Variants in CALN1 observed in about 807,000 individuals in gnomAD.
CALN1 encodes calneuron 1.
CALN1 carries 17 observed loss-of-function variants against 30.6 expected under a neutral mutation model. The ratio of observed to expected loss-of-function variants is 0.56; its 90% CI spans 0.38 to 0.83. The LOEUF is 0.83. Ranked by LOEUF, CALN1 falls within the 40% of genes least tolerant of loss-of-function variation. The pLI is 0.00. For missense variants in CALN1, 291 were observed against 354.9 expected, an observed-to-expected ratio of 0.82 and a Z score of 1.45; for synonymous variants, 156 against 131.4, an observed-to-expected ratio of 1.19 and a Z score of -1.28.
chr7:72,276,053 G>T (rs1375809295), intron 3 of CALN1, among the ~76,000 whole-genome samples: 3 of 152,184 alleles, frequency 2.0e-5, no homozygotes, highest in Non-Finnish European at 4.4e-5. Context: ...AGGAAGGGGG[G>T]AGAATATGGA....
chr7:72,092,232 G>T (rs1805912717), intron 4 of CALN1, among the ~76,000 whole-genome samples: 1 of 152,050 alleles, frequency 6.6e-6, no homozygotes, highest in African/African-American at 2.4e-5. Context: ...AAATTTCCAA[G>T]TGGGTGGGAT....
chr7:72,121,330 AATAT>A (rs1213058870), intron 3 of CALN1, among the ~76,000 whole-genome samples: 6 of 144,286 alleles, frequency 4.2e-5, no homozygotes, highest in South Asian at 2.1e-4. Context: ...TAAATTAAAT[AATAT>A]ATAAATTATA....
chr7:72,050,945 T>G (rs1054610909), intron 4 of CALN1, among the ~76,000 whole-genome samples: 3 of 151,558 alleles, frequency 2.0e-5, no homozygotes, highest in African/African-American at 7.3e-5. Context: ...CGAGCCACGG[T>G]TGTGCCACTA....
At chr7:71,991,402 T>G (rs1228811958) in intron 5 of CALN1, among the ~76,000 whole-genome samples, 2 of 151,506 alleles carry the variant, frequency 1.3e-5, no homozygotes, top group Non-Finnish European at 2.9e-5. Context: ...GAGCTTTCGA[T>G]GAGCTAAGAT....
chr7:72,086,625 G>A (rs1454280705), intron 4 of CALN1, among the ~76,000 whole-genome samples: 5 of 152,056 alleles, frequency 3.3e-5, no homozygotes, highest in African/African-American at 9.7e-5. Flanking sequence ...GTAGAGATGA[G>A]GTTTCAGCAT....
intron 5 of CALN1, among the ~76,000 whole-genome samples, chr7:71,953,921 G>C (rs377649590): frequency 1.1e-4 from 17 of 152,254 alleles, no homozygotes; most frequent in African/African-American, 3.6e-4. Context: ...GGTGGGGTTG[G>C]TGGTTGGCAG....
intron 3 of CALN1, among the ~76,000 whole-genome samples, chr7:72,111,754 T>C (rs1012027976): frequency 5.1e-5 from 5 of 98,346 alleles, no homozygotes; most frequent in East Asian, 4.0e-4. Flanking sequence ...TTTTTCTTTC[T>C]TTTTTTTTTT....
chr7:72,176,891 G>C lies in CALN1; in HGVS notation c.245-70597C>G, dbSNP rs542189306. Among the ~76,000 whole-genome samples the C allele has an allele frequency of 4.6e-5, 7 of 152,218 alleles. No individual in the cohort carries two copies. In the East Asian group the frequency reaches 9.7e-4, roughly 21 times the overall value. ...CTGTTGGCCCAAGAACACTTACACT[G>C]AAGATGGATGATTTTTAGGCTTGCT... On this transcript the variant is annotated intron_variant, in intron 3 of 6. Coordinates refer to ENST00000395275, the MANE Select transcript of CALN1 (RefSeq NM_031468.4).
At chr7:72,108,365 T>G (rs1807324189) in intron 3 of CALN1, among the ~76,000 whole-genome samples, 1 of 152,256 alleles carries the variant, frequency 6.6e-6, no homozygotes, top group Non-Finnish European at 1.5e-5. Flanking sequence ...ATCTCAGAGA[T>G]TAGGATTTGA....
At chr7:72,097,055 A>G (rs981172030) in intron 4 of CALN1, among the ~76,000 whole-genome samples, 10 of 152,144 alleles carry the variant, frequency 6.6e-5, no homozygotes, top group Non-Finnish European at 1.3e-4. Context: ...AAACTATCAC[A>G]ACGACAGAAA....
chr7:72,186,842 T>G (rs1437227121), intron 3 of CALN1, among the ~76,000 whole-genome samples: 2 of 151,582 alleles, frequency 1.3e-5, no homozygotes, highest in Non-Finnish European at 2.9e-5. Context: ...TTCTCTGACT[T>G]TGCTATTGTG....
At position 72,023,779 on chromosome 7, in the gene CALN1, G is replaced by A. The variant is rs373970601; in HGVS notation, c.389-10C>T. On this transcript the variant is annotated splice_polypyrimidine_tract_variant and intron_variant, in intron 4 of 6. Transcript: ENST00000395275. ...TCCACCTGGCCATCCCCTGCAAGGA[G>A]AAGATGTAAATATGAGTTGCAAACA... 24 of 1,608,962 alleles carry A rather than the reference G, an allele frequency of 1.5e-5. No individual in the cohort carries two copies. The highest frequency in any genetic ancestry group is 2.0e-5 in the Non-Finnish European group (24 of 1,175,696).
At chr7:72,035,351 G>A (rs1160302779) in intron 4 of CALN1, among the ~76,000 whole-genome samples, 5 of 152,088 alleles carry the variant, frequency 3.3e-5, no homozygotes, top group African/African-American at 9.7e-5. Flanking sequence ...AGTATCTCAT[G>A]CAAGTAGAAT....
At chr7:71,926,989 T>C (rs1262903739) in intron 5 of CALN1, among the ~76,000 whole-genome samples, 1 of 152,224 alleles carries the variant, frequency 6.6e-6, no homozygotes, top group Non-Finnish European at 1.5e-5. Flanking sequence ...TCTGGTTCTG[T>C]TGATTACTTT....
At chr7:72,466,397 T>C in the CALN1 span, among the ~76,000 whole-genome samples, 1 of 152,092 alleles carries the variant, frequency 6.6e-6, no homozygotes, top group Non-Finnish European at 1.5e-5. Flanking sequence ...CACAGTCTAG[T>C]GTGTCAGGGG....
At chr7:72,420,577 G>C (rs1807572361) in intron 1 of CALN1, among the ~76,000 whole-genome samples, 1 of 150,912 alleles carries the variant, frequency 6.6e-6, no homozygotes, top group South Asian at 2.1e-4. Context: ...TGCCTCTGCA[G>C]AAGACAGGTT....
chr7:72,210,371 A>G (rs890085925), intron 3 of CALN1, among the ~76,000 whole-genome samples: 11 of 152,178 alleles, frequency 7.2e-5, no homozygotes, highest in African/African-American at 2.7e-4. Flanking sequence ...TAATCTTTCT[A>G]AAGTGAACAT....
chr7:72,465,171 A>G, the CALN1 span, among the ~76,000 whole-genome samples: 72 of 152,306 alleles, frequency 4.7e-4, no homozygotes, highest in African/African-American at 1.6e-3. Context: ...GTACAGGTGG[A>G]CACACTCCTG....
rs546235671 is a variant in CALN1 at position 72,181,980 on chromosome 7, G to A, written c.245-75686C>T. ...TCAGTGATTATGGGATTACAGACTC[G>A]AGCAGCTGTTTATAAACACAGCATT... On this transcript the variant is annotated intron_variant, in intron 3 of 6. Coordinates refer to ENST00000395275, the MANE Select transcript of CALN1 (RefSeq NM_031468.4). Among the ~76,000 whole-genome samples the A allele has an allele frequency of 8.5e-5, 13 of 152,278 alleles. No individual in the cohort carries two copies. In the South Asian group the frequency reaches 2.3e-3, roughly 27 times the overall value.
Sources: gnomAD v4.1 joint callset for allele counts (sites outside exome capture counted in the v4.1 genomes callset) on GRCh38, gnomAD v4.1.1 for gene constraint, MANE v1.5 for transcripts, NCBI Gene and HGNC (gene_info 2026-07-23, HGNC 2026-07-21) for gene names.